Variants in ANK3 observed in about 807,000 individuals in gnomAD.
The protein encoded by ANK3 is ankyrin-3.
A neutral mutation model predicts 370.9 loss-of-function variants in ANK3; 57 were observed. The ratio of observed to expected loss-of-function variants is 0.15; its 90% confidence interval spans 0.12 to 0.19. The LOEUF is 0.19. Among genes scored for constraint, ANK3 ranks in the 10% least tolerant of loss-of-function variants. The pLI is 1.00. For synonymous variants in ANK3, 1,929 were observed against 1,946.3 expected (o/e 0.99, Z 0.23); for missense variants, 4,439 against 5,302.1 (o/e 0.84, Z 5.06).
chr10:60,226,315 T>C (rs2097140836), intron 8 of ANK3, among the ~76,000 whole-genome samples: 1 of 107,242 alleles, frequency 9.3e-6, no homozygotes, highest in Non-Finnish European at 1.8e-5. Flanking sequence ...TAATACTATA[T>C]ATACTATGTA....
At chr10:60,033,626 C>G (rs4381323) in intron 43 of ANK3, among the ~76,000 whole-genome samples, 150,945 of 152,200 alleles carry the variant, frequency 0.99, 74,867 homozygotes, top group Middle Eastern at 1. Context: ...TTCAAGTCAG[C>G]AGCATGCTCT....
At chr10:60,133,117 C>T (rs1288548067) in intron 25 of ANK3, among the ~76,000 whole-genome samples, 1 of 152,150 alleles carries the variant, frequency 6.6e-6, no homozygotes, top group African/African-American at 2.4e-5. Flanking sequence ...CAAAAGTCTA[C>T]CTATTGCTTA....
At chr10:60,447,004 G>C (rs1243946406) in intron 2 of ANK3, among the ~76,000 whole-genome samples, 2 of 152,134 alleles carry the variant, frequency 1.3e-5, no homozygotes, top group Non-Finnish European at 2.9e-5. Context: ...GACCTTCATG[G>C]GTTAGCGAAG....
At chr10:60,300,214 G>T (rs1181961415) in intron 1 of ANK3, 2 of 582,102 alleles carry the variant, frequency 3.4e-6, no homozygotes, top group Admixed American at 2.4e-5. Context: ...AGGTTAATTT[G>T]CTTCCTACCC....
chr10:60,609,839 CCCT>C (rs2078178221), intron 2 of ANK3, among the ~76,000 whole-genome samples: 1 of 152,060 alleles, frequency 6.6e-6, no homozygotes, highest in African/African-American at 2.4e-5. Context: ...ATATTTACCC[CCCT>C]AACAAAAATA....
intron 1 of ANK3, among the ~76,000 whole-genome samples, chr10:60,338,926 CAAAT>C (rs759941373): frequency 6.6e-6 from 1 of 151,466 alleles, no homozygotes; most frequent in Non-Finnish European, 1.5e-5. Flanking sequence ...TGGTTGTCTC[CAAAT>C]AAATAGGAGC....
At chr10:60,388,783 GC>G (rs754972141) in intron 1 of ANK3, among the ~76,000 whole-genome samples, 37 of 152,054 alleles carry the variant, frequency 2.4e-4, no homozygotes, top group Non-Finnish European at 1.0e-4. Context: ...CTTTCACCCA[GC>G]AGGGAAAAAC....
chr10:60,441,835 C>T (rs1208977688), intron 2 of ANK3, among the ~76,000 whole-genome samples: 1 of 152,022 alleles, frequency 6.6e-6, no homozygotes. Flanking sequence ...ACTTTCTCTG[C>T]CATATAAACT....
chr10:60,733,283 C>G (rs929480635), exon 1 of ANK3: 7 of 1,237,856 alleles, frequency 5.7e-6, no homozygotes, highest in Non-Finnish European at 7.1e-6. Flanking sequence ...GCGGAGTCCT[C>G]GGTGCCCGCG....
chr10:60,454,379 C>T (rs141286450), intron 2 of ANK3, among the ~76,000 whole-genome samples: 33 of 152,212 alleles, frequency 2.2e-4, no homozygotes, highest in Middle Eastern at 3.4e-3. Flanking sequence ...TTTTCCTATC[C>T]ACCGACTGCC....
intron 1 of ANK3, among the ~76,000 whole-genome samples, chr10:60,634,230 G>T (rs2078521854): frequency 6.6e-6 from 1 of 152,146 alleles, no homozygotes; most frequent in South Asian, 2.1e-4. Context: ...GGTCTAGCTT[G>T]GTTGGGTGGA....
chr10:60,703,548 C>T (rs1391838793), intron 1 of ANK3, among the ~76,000 whole-genome samples: 2 of 152,156 alleles, frequency 1.3e-5, no homozygotes, highest in African/African-American at 4.8e-5. Flanking sequence ...TATCTTCAAA[C>T]ACCAAATTTA....
chr10:60,064,125 T>C, intron 39 of ANK3, 32 bp downstream of exon 39: 1 of 1,531,178 alleles, frequency 6.5e-7, no homozygotes, highest in Non-Finnish European at 8.7e-7. Flanking sequence ...TTATGCAGTT[T>C]TGAAAGTTAA....
At chr10:60,369,710 T>C (rs1053701132) in intron 1 of ANK3, among the ~76,000 whole-genome samples, 6 of 152,224 alleles carry the variant, frequency 3.9e-5, no homozygotes, top group Non-Finnish European at 1.5e-5. Flanking sequence ...ACCTGTTTCA[T>C]CTTAAAACAA....
At chr10:60,225,255 CTGTGTCCT>C (rs2097122325) in intron 8 of ANK3, among the ~76,000 whole-genome samples, 1 of 152,076 alleles carries the variant, frequency 6.6e-6, no homozygotes, top group African/African-American at 2.4e-5. Context: ...AAAATTTGGA[CTGTGTCCT>C]CATTTTTTTT....
intron 42 of ANK3, chr10:60,044,303 GTTC>G: frequency 4.1e-6 from 4 of 984,492 alleles, no homozygotes; most frequent in Non-Finnish European, 4.8e-6. Context: ...TCAGTAAATT[GTTC>G]TTCTGTGACA....
chr10:60,377,194 G>C (rs989264898), intron 1 of ANK3, among the ~76,000 whole-genome samples: 2 of 152,206 alleles, frequency 1.3e-5, no homozygotes, highest in African/African-American at 4.8e-5. Context: ...GGAGGGAGCA[G>C]GGAACAGTGT....
At chr10:60,268,339 C>A (rs569069122) in intron 5 of ANK3, among the ~76,000 whole-genome samples, 2 of 152,128 alleles carry the variant, frequency 1.3e-5, no homozygotes, top group Non-Finnish European at 2.9e-5. Flanking sequence ...GGTACAAAGG[C>A]TCCCTCCGAA....
intron 2 of ANK3, among the ~76,000 whole-genome samples, chr10:60,457,505 C>T (rs935770169): frequency 7.2e-5 from 11 of 152,082 alleles, no homozygotes; most frequent in African/African-American, 2.7e-4. Context: ...ATCCCTTTTG[C>T]TCTCCCTTGG....
Sources: gnomAD v4.1 joint callset for allele counts (sites outside exome capture counted in the v4.1 genomes callset) on GRCh38, gnomAD v4.1.1 for gene constraint, MANE v1.5 for transcripts, NCBI Gene and HGNC (gene_info 2026-07-23, HGNC 2026-07-21) for gene names.